The following ANTXR1 variants were observed in gnomAD, a reference collection of about 807,000 sequenced individuals.
ANTXR1 encodes ANTXR cell adhesion molecule 1.
A neutral mutation model predicts 78.1 loss-of-function variants in ANTXR1; 19 were observed. The observed-to-expected ratio is 0.24, with a 90% CI of 0.17 to 0.36. The LOEUF (loss-of-function observed/expected upper bound fraction) is 0.36, where lower values mean the gene tolerates loss of function less well. Ranked by LOEUF, ANTXR1 falls within the 10% of genes least tolerant of loss-of-function variation. The probability of loss-of-function intolerance (pLI) is 1.00; values close to 1 mark genes in which losing one functional copy is unlikely to be tolerated. For missense variants in ANTXR1, 518 were observed against 718.6 expected (o/e 0.72, Z 3.19); for synonymous variants, 273 against 260.5 (o/e 1.05, Z -0.46).
At chr2:69,161,734 G>T (rs976693325) in intron 13 of ANTXR1, among the ~76,000 whole-genome samples, 1 of 152,096 alleles carries the variant, frequency 6.6e-6, no homozygotes, top group Non-Finnish European at 1.5e-5. Flanking sequence ...ATGTAAAAAG[G>T]GTCAGAGCAA....
chr2:69,094,422 G>A (rs1020591001), intron 9 of ANTXR1, among the ~76,000 whole-genome samples: 2 of 152,200 alleles, frequency 1.3e-5, no homozygotes, highest in Non-Finnish European at 2.9e-5. Flanking sequence ...TTGGGGGAGA[G>A]AGTAAAAAGG....
At chr2:69,147,923 T>C (rs1253362916) in intron 12 of ANTXR1, among the ~76,000 whole-genome samples, 6 of 152,118 alleles carry the variant, frequency 3.9e-5, no homozygotes, top group Non-Finnish European at 7.3e-5. Flanking sequence ...GGTGGTTAGC[T>C]GTTGTTAAGT....
chr2:69,208,573 T>C (rs909034533), intron 17 of ANTXR1, among the ~76,000 whole-genome samples: 6 of 152,268 alleles, frequency 3.9e-5, no homozygotes, highest in Non-Finnish European at 7.3e-5. Flanking sequence ...TAATTTCACC[T>C]GTCTCTTTTT....
intron 14 of ANTXR1, among the ~76,000 whole-genome samples, chr2:69,178,499 T>C (rs1480731214): frequency 6.6e-6 from 1 of 152,088 alleles, no homozygotes; most frequent in South Asian, 2.1e-4. Context: ...CGGCGCCTCC[T>C]TCCCCAGGCC....
chr2:69,093,382 C>T (rs1463166321), intron 9 of ANTXR1, among the ~76,000 whole-genome samples: 4 of 152,100 alleles, frequency 2.6e-5, no homozygotes, highest in Non-Finnish European at 4.4e-5. Flanking sequence ...AAATCTCCAC[C>T]ACTTAGACAA....
intron 8 of ANTXR1, among the ~76,000 whole-genome samples, chr2:69,083,414 AC>A (rs1558527214): frequency 1.3e-5 from 2 of 151,926 alleles, no homozygotes; most frequent in Non-Finnish European, 2.9e-5. Context: ...GTCCAAAGGC[AC>A]CCTTCAGTCT....
chr2:69,177,213 G>T (rs1033991707), intron 14 of ANTXR1, among the ~76,000 whole-genome samples: 1 of 152,192 alleles, frequency 6.6e-6, no homozygotes, highest in Admixed American at 6.5e-5. Flanking sequence ...AATAGGTTAC[G>T]CTTAAACAAC....
rs187291277 is a variant in ANTXR1 at position 69,090,957 on chromosome 2, T to G, written c.703+38T>G. On this transcript the variant is annotated intron_variant, in intron 9 of 17. Transcript: ENST00000303714. ...GAAATGCTAATTGCTTTCATACAAT[T>G]GATGATATTTTGAGTTCAAGTCACG... 86 of 1,600,482 alleles carry G rather than the reference T, an allele frequency of 5.4e-5. No homozygotes were observed. In the African/African-American group the frequency reaches 1.1e-3, roughly 20 times the overall value.
intron 11 of ANTXR1, among the ~76,000 whole-genome samples, chr2:69,124,057 A>T (rs755190272): frequency 6.6e-6 from 1 of 152,224 alleles, no homozygotes; most frequent in Non-Finnish European, 1.5e-5. Context: ...CGAGTGTCTT[A>T]GAGTGGGAAG....
intron 10 of ANTXR1, among the ~76,000 whole-genome samples, chr2:69,120,733 T>A (rs1179108692): frequency 1.3e-5 from 2 of 152,226 alleles, no homozygotes; most frequent in Non-Finnish European, 2.9e-5. Flanking sequence ...ACTGTCATCA[T>A]AAGCTTTATA....
At chr2:69,153,887 C>T (rs1477527192) in intron 13 of ANTXR1, among the ~76,000 whole-genome samples, 1 of 152,162 alleles carries the variant, frequency 6.6e-6, no homozygotes, top group Non-Finnish European at 1.5e-5. Flanking sequence ...GGGCAAGTTT[C>T]TTCACCTCTC....
At chr2:69,113,329 A>G (rs1298189459) in intron 10 of ANTXR1, among the ~76,000 whole-genome samples, 1 of 152,176 alleles carries the variant, frequency 6.6e-6, no homozygotes. Flanking sequence ...TTTCAGTAGG[A>G]TGATGGAAGA....
intron 13 of ANTXR1, 37 bp from the exon 14 acceptor site, chr2:69,170,211 A>T: frequency 6.2e-7 from 1 of 1,613,678 alleles, no homozygotes; most frequent in African/African-American, 1.3e-5. Context: ...AGGTAGCCAG[A>T]GATTTTTCAC....
Position 69,202,469 on chromosome 2 carries a change from G to A in ANTXR1, c.1434+9054G>A, listed in dbSNP as rs568663066. 2.6e-5 allele frequency among the ~76,000 whole-genome samples: 4 copies of A among 152,334 alleles called. No homozygotes were observed. The South Asian group carries it at 6.2e-4, about 24-fold the overall frequency. On this transcript the variant is annotated intron_variant, in intron 17 of 17. Coordinates refer to ENST00000303714, the MANE Select transcript of ANTXR1 (RefSeq NM_032208.3). ...GGAGGGAGAGCCAAGGCAGTAGCTG[G>A]AGGAGATCTAGAATTGGAAAGAGTT...
At chr2:69,179,058 C>T (rs76927008) in intron 14 of ANTXR1, among the ~76,000 whole-genome samples, 6,049 of 152,250 alleles carry the variant, frequency 0.04, 417 homozygotes, top group African/African-American at 0.14. Flanking sequence ...TTTTGTATAT[C>T]TGTGTTCACA....
chr2:69,030,099 T>C (rs1302870740), intron 1 of ANTXR1, among the ~76,000 whole-genome samples: 1 of 152,246 alleles, frequency 6.6e-6, no homozygotes, highest in African/African-American at 2.4e-5. Context: ...CAAGTTGTGA[T>C]AATAGTCCAT....
At chr2:69,159,750 T>C (rs1490392241) in intron 13 of ANTXR1, among the ~76,000 whole-genome samples, 1 of 152,194 alleles carries the variant, frequency 6.6e-6, no homozygotes, top group East Asian at 1.9e-4. Context: ...AGTGGCCTTA[T>C]AGGTATCTTA....
At position 69,172,443 on chromosome 2, in the gene ANTXR1, C is replaced by T. The variant is rs371635115; in HGVS notation, c.1089+2154C>T. The T allele has an allele frequency of 1.0e-5, 16 of 1,591,240 alleles. No homozygotes were observed. The Admixed American group carries it at 1.0e-4, about 10-fold the overall frequency. On this transcript the variant is annotated intron_variant, in intron 14 of 17. Transcript: ENST00000303714. ...AGATAACCTAACACAGCCCGTGCAA[C>T]GTATTTTATACAATGCTCTGAAAAT...
intron 1 of ANTXR1, among the ~76,000 whole-genome samples, chr2:69,037,032 T>A (rs887620688): frequency 2.6e-5 from 4 of 152,222 alleles, no homozygotes; most frequent in African/African-American, 4.8e-5. Context: ...AGACTCCAGA[T>A]GCCATTCTGT....
Sources: gnomAD v4.1 joint callset for allele counts (sites outside exome capture counted in the v4.1 genomes callset) on GRCh38, gnomAD v4.1.1 for gene constraint, MANE v1.5 for transcripts, NCBI Gene and HGNC (gene_info 2026-07-23, HGNC 2026-07-21) for gene names.